C11orf65: variants seen among roughly 807,000 people sequenced by gnomAD.
The protein encoded by C11orf65 is protein MFI.
In C11orf65, 38 loss-of-function variants were observed where a neutral mutation model predicts 35.3. The ratio of observed to expected loss-of-function variants is 1.08; its 90% CI spans 0.83 to 1.41. The LOEUF (loss-of-function observed/expected upper bound fraction) is 1.41. Among genes scored for constraint, C11orf65 ranks in the 40% most tolerant of loss-of-function variants. The pLI is 0.00. For synonymous variants in C11orf65, 105 were observed against 114.4 expected (o/e 0.92, Z 0.53); for missense variants, 370 against 367.1 (o/e 1.01, Z -0.06).
At chr11:108,377,683 G>A (rs1296915722) in intron 2 of C11orf65, among the ~76,000 whole-genome samples, 1 of 151,578 alleles carries the variant, frequency 6.6e-6, no homozygotes, top group Non-Finnish European at 1.5e-5. Flanking sequence ...AAAAGAGGAA[G>A]TCAAATTGTC....
At chr11:108,395,990 G>A (rs1362842945) in intron 6 of C11orf65, among the ~76,000 whole-genome samples, 5 of 152,070 alleles carry the variant, frequency 3.3e-5, no homozygotes, top group African/African-American at 1.2e-4. Flanking sequence ...AACAATGACT[G>A]GTACACAGTA....
At position 108,321,370 on chromosome 11, in the gene C11orf65, C is replaced by A. The variant is rs772850740; in HGVS notation, c.641-12299G>T. The A allele has an allele frequency of 6.2e-7, 1 of 1,614,172 alleles. No homozygotes were observed. The highest frequency in any genetic ancestry group is 1.7e-5 in the Admixed American group (1 of 60,020). On this transcript the variant is annotated intron_variant, in intron 6 of 6. Transcript: ENST00000525729. ...TGTATTCGCTCTATCCCACACTTAG[C>A]AGGTTGCAGGCCATTGGAGAGCTGG...
chr11:108,445,027 C>T (rs1565707130), intron 2 of C11orf65, among the ~76,000 whole-genome samples: 1 of 152,186 alleles, frequency 6.6e-6, no homozygotes, highest in Admixed American at 6.5e-5. Flanking sequence ...AGTCTGAGAT[C>T]AAACTGCAAG....
chr11:108,450,617 A>C, intron 2 of C11orf65, among the ~76,000 whole-genome samples: 2 of 100,734 alleles, frequency 2.0e-5, no homozygotes, highest in African/African-American at 8.1e-5. Flanking sequence ...CACTCCAGGG[A>C]CTGTTGTGGG....
chr11:108,328,730 A>AT (rs1351467099), downstream of C11orf65, among the ~76,000 whole-genome samples: 1 of 152,204 alleles, frequency 6.6e-6, no homozygotes, highest in Non-Finnish European at 1.5e-5. Flanking sequence ...TGGGCCACAC[A>AT]TAAAATATAC....
At chr11:108,405,757 T>C (rs1480271508) in intron 5 of C11orf65, among the ~76,000 whole-genome samples, 198 bp from the exon 6 acceptor site, 1 of 152,214 alleles carries the variant, frequency 6.6e-6, no homozygotes, top group Non-Finnish European at 1.5e-5. Context: ...ATGCTACAGA[T>C]AGATCAACAA....
chr11:108,445,863 A>G (rs2093246952), intron 2 of C11orf65, among the ~76,000 whole-genome samples: 1 of 152,134 alleles, frequency 6.6e-6, no homozygotes, highest in South Asian at 2.1e-4. Flanking sequence ...CAAAGAAGTT[A>G]AAAACTTTGA....
chr11:108,313,459 C>G (rs1186614252), intron 6 of C11orf65, among the ~76,000 whole-genome samples: 1 of 152,276 alleles, frequency 6.6e-6, no homozygotes, highest in East Asian at 1.9e-4. Context: ...GCTAATGTCT[C>G]TCATAAACTT....
chr11:108,421,646 A>G (rs2092818820), intron 3 of C11orf65, among the ~76,000 whole-genome samples: 1 of 152,180 alleles, frequency 6.6e-6, no homozygotes, highest in African/African-American at 2.4e-5. Context: ...TGACAGAGCA[A>G]GACTCCATCT....
upstream of C11orf65, among the ~76,000 whole-genome samples, chr11:108,468,655 T>C (rs150137642): frequency 6.6e-6 from 1 of 152,354 alleles, no homozygotes; most frequent in Non-Finnish European, 1.5e-5. Context: ...TTTAAAATCA[T>C]CACAATCATA....
intron 8 of C11orf65, among the ~76,000 whole-genome samples, chr11:108,384,889 G>C (rs1031464043): frequency 6.6e-6 from 1 of 152,160 alleles, no homozygotes; most frequent in Non-Finnish European, 1.5e-5. Flanking sequence ...ATTAGGCTTT[G>C]GCTATGTTAA....
At chr11:108,385,734 A>G (rs1343986795) in intron 8 of C11orf65, among the ~76,000 whole-genome samples, 186 bp downstream of exon 8, 1 of 152,198 alleles carries the variant, frequency 6.6e-6, no homozygotes, top group Non-Finnish European at 1.5e-5. Context: ...AACTTAAATA[A>G]TATAGGACAT....
intron 2 of C11orf65, among the ~76,000 whole-genome samples, chr11:108,444,540 C>T (rs1015879933): frequency 3.9e-5 from 6 of 152,156 alleles, no homozygotes; most frequent in Admixed American, 6.5e-5. Context: ...GACCAATATC[C>T]CTGATGAACA....
intron 2 of C11orf65, among the ~76,000 whole-genome samples, chr11:108,342,140 T>C (rs145124575): frequency 0.02 from 2,969 of 152,206 alleles, 94 homozygotes; most frequent in African/African-American, 0.067. Flanking sequence ...TGTTAGTGTA[T>C]TTTATGTGTG....
chr11:108,426,678 A>C (rs2092907357), intron 3 of C11orf65, among the ~76,000 whole-genome samples: 1 of 152,002 alleles, frequency 6.6e-6, no homozygotes, highest in Admixed American at 6.6e-5. Context: ...CAAAAAAAAA[A>C]CCTGTATAGC....
chr11:108,440,471 C>T (rs1043756356), intron 2 of C11orf65, among the ~76,000 whole-genome samples: 3 of 152,166 alleles, frequency 2.0e-5, no homozygotes, highest in Admixed American at 6.5e-5. Context: ...TAGCTGTCAG[C>T]TAGGTCTCTT....
chr11:108,312,012 TTATATCTG>T (rs1490202070), intron 6 of C11orf65, among the ~76,000 whole-genome samples: 1 of 152,208 alleles, frequency 6.6e-6, no homozygotes, highest in Non-Finnish European at 1.5e-5. Context: ...TGTCTTAAAT[TTATATCTG>T]TTAAGTATTA....
intron 2 of C11orf65, chr11:108,354,690 T>C (rs1197668687): frequency 2.2e-6 from 2 of 892,168 alleles, no homozygotes; most frequent in East Asian, 2.4e-5. Context: ...TATTTTGAGA[T>C]ACAGATATGT....
intron 2 of C11orf65, among the ~76,000 whole-genome samples, chr11:108,454,295 G>A (rs1309054510): frequency 6.8e-6 from 1 of 147,920 alleles, no homozygotes; most frequent in South Asian, 2.1e-4. Context: ...TTATTTATTT[G>A]AGTCTTCTTT....
Sources: gnomAD v4.1 joint callset for allele counts (sites outside exome capture counted in the v4.1 genomes callset) on GRCh38, gnomAD v4.1.1 for gene constraint, MANE v1.5 for transcripts, NCBI Gene and HGNC (gene_info 2026-07-23, HGNC 2026-07-21) for gene names.